Variants in CRTC2 observed in about 807,000 individuals in gnomAD.
CRTC2 encodes the protein CREB-regulated transcription coactivator 2.
Under a neutral mutation model 70.9 loss-of-function variants are expected in CRTC2, and 25 were observed. The ratio of observed to expected loss-of-function variants is 0.35; its 90% CI spans 0.26 to 0.49. The LOEUF is 0.49. Ranked by LOEUF, CRTC2 falls within the 20% of genes least tolerant of loss-of-function variation. The probability of loss-of-function intolerance (pLI) is 0.98; values close to 1 mark genes in which losing one functional copy is unlikely to be tolerated. For synonymous variants in CRTC2, 330 were observed against 364.1 expected (o/e 0.91, Z 1.07); for missense variants, 737 against 882.6 (o/e 0.83, Z 2.09).
Position 153,952,802 on chromosome 1 carries a change from T to C in CRTC2, c.637+3A>G, listed in dbSNP as rs749709858. On this transcript the variant is annotated splice_donor_region_variant and intron_variant, in intron 7 of 13. Coordinates refer to ENST00000368633, the MANE Select transcript of CRTC2 (RefSeq NM_181715.3). ...AGTACCCACAGCAGTGAGGAACACATACCTTTGGGGTCCATTTCACCATCC... is the reference window on the plus strand; with the variant it reads ...AGTACCCACAGCAGTGAGGAACACACACCTTTGGGGTCCATTTCACCATCC... 2.5e-6 allele frequency: 4 copies of C among 1,614,226 alleles called. No individual in the cohort carries two copies. The highest frequency in any genetic ancestry group is 3.4e-6 in the Non-Finnish European group (4 of 1,180,028).
At chr1:153,952,485 G>A (rs749910691) in intron 8 of CRTC2, 39 bp from the exon 9 acceptor site, 2 of 1,613,116 alleles carry the variant, frequency 1.2e-6, no homozygotes, top group South Asian at 1.1e-5. Flanking sequence ...TGAGGACAGT[G>A]CTCAGCAGAG....
At position 153,949,336 on chromosome 1, in the gene CRTC2, G is replaced by C. The variant is rs111767182; in HGVS notation, c.1453C>G (p.Pro485Ala). 6 of 1,613,812 alleles carry C rather than the reference G, an allele frequency of 3.7e-6. No homozygotes were observed. The highest frequency in any genetic ancestry group is 2.7e-5 in the African/African-American group (2 of 74,916). ...SKLSTDQRLP[P>A]YPYSSPSLVL... is the part of the protein sequence containing the mutation. ...AGACTTGGGGAGCTGTATGGGTATG[G>C]GGGTAACCGCTGGTCAGTGGACAGT... Residue 485 changes from proline (P) to alanine (A), a missense_variant, in exon 12 of 14, where the codon CCA becomes GCA. Physicochemically the swap from Pro to Ala is conservative, Grantham distance 27. This residue lies in a region of CRTC2 where 699 missense variants were observed against 823.7 expected (regional missense o/e 0.85). Transcript: ENST00000368633.
chr1:153,958,164 TC>T (rs758539900), intron 1 of CRTC2, 180 bp downstream of exon 1: 49 of 1,418,302 alleles, frequency 3.5e-5, no homozygotes, highest in Non-Finnish European at 4.3e-5. Context: ...TGTTTCGGTC[TC>T]CCCCGGCAAA....
Position 153,948,089 on chromosome 1 carries a change from G to A in CRTC2, c.*20C>T, listed in dbSNP as rs755717671. The A allele has an allele frequency of 1.2e-6, 2 of 1,611,948 alleles. No homozygotes were observed. Among genetic ancestry groups the A allele is most frequent in the Non-Finnish European group, 1.7e-6 (2 of 1,178,208 alleles). Reference sequence around the variant, plus strand: ...GTGGTGGGGGATGGGGCCAAGAAGAGGGATGGTGATGAGGTGCCCTCATTG... The same window carrying A: ...GTGGTGGGGGATGGGGCCAAGAAGAAGGATGGTGATGAGGTGCCCTCATTG... On this transcript the variant is annotated 3_prime_UTR_variant, in exon 14 of 14. Transcript: ENST00000368633.
intron 4 of CRTC2, among the ~76,000 whole-genome samples, chr1:153,953,864 T>C (rs1008166870): frequency 1.3e-5 from 2 of 152,260 alleles, no homozygotes; most frequent in East Asian, 1.9e-4. Context: ...GGTATGAGCA[T>C]TGAAAGTGAG....
chr1:153,951,338 G>A lies in CRTC2; in HGVS notation c.1326C>T (p.Ala442=), dbSNP rs145272706. 5.5e-5 allele frequency: 88 copies of A among 1,613,852 alleles called. No individual in the cohort carries two copies. Among genetic ancestry groups the A allele is most frequent in the Admixed American group, 1.5e-4 (9 of 59,946 alleles). Reference sequence around the variant, plus strand: ...GCTGCTGTTGGGACCTTCTGGCGTCGGCTGGGCCCGCGAGCAAACTCAGGG... The same window carrying A: ...GCTGCTGTTGGGACCTTCTGGCGTCAGCTGGGCCCGCGAGCAAACTCAGGG... ...LSPLSLLAGP[A]DARRSQQQLP... The change falls in exon 11 of 14, where the codon GCC becomes GCT. Residue 442 remains alanine, a synonymous_variant. Transcript: ENST00000368633.
chr1:153,950,607 G>T (rs1436248420), intron 11 of CRTC2, among the ~76,000 whole-genome samples: 1 of 152,168 alleles, frequency 6.6e-6, no homozygotes, highest in Non-Finnish European at 1.5e-5. Context: ...TCATCTCTGT[G>T]GAAAAAGCCC....
In CRTC2 at chr1:153,949,134, C is replaced by T; in HGVS notation, c.1655G>A (p.Ser552Asn). The change falls in exon 12 of 14, where the codon AGT becomes AAT. Residue 552 changes from serine to asparagine, a missense_variant. Around this residue, in one of 3 missense-constraint regions of CRTC2, gnomAD observed 699 missense variants for 823.7 expected, o/e 0.85. Coordinates refer to ENST00000368633, the MANE Select transcript of CRTC2 (RefSeq NM_181715.3). ...HGQQSYHRPM[S>N]DFNLGNLEQF... ...ACTCACATTCCCCAGGTTGAAGTCA[C>T]TCATTGGCCGGTGGTAAGACTGTTG... 6.2e-7 allele frequency: 1 copy of T among 1,609,968 alleles called. No individual in the cohort carries two copies. Among genetic ancestry groups the T allele is most frequent in the Non-Finnish European group, 8.5e-7 (1 of 1,177,680 alleles).
At chr1:153,952,741 C>G (rs1382225801) in intron 7 of CRTC2, 64 bp downstream of exon 7, 1 of 1,611,054 alleles carries the variant, frequency 6.2e-7, no homozygotes, top group Non-Finnish European at 8.5e-7. Context: ...AACCTGCACA[C>G]AATCCCAACA....
chr1:153,948,679 A>G (rs561655064), intron 12 of CRTC2, 35 bp from the exon 13 acceptor site: 1 of 1,565,896 alleles, frequency 6.4e-7, no homozygotes, highest in African/African-American at 1.4e-5. Context: ...AGGAAGTAGG[A>G]TTTAGAACTG....
intron 9 of CRTC2, 27 bp downstream of exon 9, chr1:153,952,370 T>A: frequency 6.2e-7 from 1 of 1,613,254 alleles, no homozygotes; most frequent in Non-Finnish European, 8.5e-7. Flanking sequence ...TTCCCCCACC[T>A]CTCAGCCAAC....
chr1:153,958,607 G>C lies in CRTC2; in HGVS notation c.-110C>G, dbSNP rs1571088465. On this transcript the variant is annotated 5_prime_UTR_variant, in exon 1 of 14. Transcript: ENST00000368633. Reference sequence around the variant, plus strand: ...CCACCGCCGCCTCAGCGAGCACCGCGAACCCGGCCCCAGCCTAGCCCTGAC... The same window carrying C: ...CCACCGCCGCCTCAGCGAGCACCGCCAACCCGGCCCCAGCCTAGCCCTGAC... 8.6e-7 allele frequency: 1 copy of C among 1,166,300 alleles called. No homozygotes were observed. Among genetic ancestry groups the C allele is most frequent in the Non-Finnish European group, 1.2e-6 (1 of 849,688 alleles). The allele number at this position is 1,166,300 out of a possible 1,614,324, so 72.2% of individuals were successfully genotyped here.
Position 153,952,267 on chromosome 1 carries a change from G to T in CRTC2, c.753-5C>A. ...TGGTCAGGAGATGGAAAGATGCTAGGGGAAGGAGAGAAAAAGAAAGATGTA... is the reference window on the plus strand; with the variant it reads ...TGGTCAGGAGATGGAAAGATGCTAGTGGAAGGAGAGAAAAAGAAAGATGTA... On this transcript the variant is annotated splice_region_variant and splice_polypyrimidine_tract_variant and intron_variant, in intron 9 of 13. Coordinates refer to ENST00000368633, the MANE Select transcript of CRTC2 (RefSeq NM_181715.3). The T allele has an allele frequency of 6.2e-7, 1 of 1,601,878 alleles. No homozygotes were observed. Among genetic ancestry groups the T allele is most frequent in the Non-Finnish European group, 8.5e-7 (1 of 1,172,636 alleles).
In CRTC2 at chr1:153,954,947, G is replaced by A. The variant is rs1249851180; in HGVS notation, c.298C>T (p.His100Tyr). Residue 100 changes from histidine (H) to tyrosine (Y), a missense_variant, in exon 3 of 14, where the codon CAC becomes TAC. Physicochemically the swap from His to Tyr is moderately conservative, Grantham distance 83 (BLOSUM62 2). Coordinates refer to ENST00000368633, the MANE Select transcript of CRTC2 (RefSeq NM_181715.3). ...SPLDSSRSTR[H>Y]HGLVERVQRD... ...TGCACCCGTTCCACCAGCCCATGGT[G>A]CCGAGTGCTCCGAGATGAATCCAAA... 1 of 1,614,188 alleles carries A rather than the reference G, an allele frequency of 6.2e-7. No homozygotes were observed. The highest frequency in any genetic ancestry group is 1.7e-5 in the Admixed American group (1 of 60,036).
chr1:153,958,061 C>T (rs1680729410), intron 1 of CRTC2: 1 of 1,333,274 alleles, frequency 7.5e-7, no homozygotes, highest in South Asian at 1.6e-5. Flanking sequence ...GACCACTCAC[C>T]TCCTACCTCC....
Position 153,948,544 on chromosome 1 carries a change from C to T in CRTC2, c.1775G>A (p.Gly592Asp). 1 of 1,612,482 alleles carries T rather than the reference C, an allele frequency of 6.2e-7. No individual in the cohort carries two copies. Among genetic ancestry groups the T allele is most frequent in the Non-Finnish European group, 8.5e-7 (1 of 1,179,354 alleles). ...PGFLGGEGPM[G>D]GPQDPHTFNH... is the part of the protein sequence containing the mutation. ...GAAGGTGTGGGGATCCTGGGGGCCA[C>T]CCATTGGCCCCTCACCCCCTAAAAA... Residue 592 changes from glycine to aspartate, a missense_variant, in exon 13 of 14, where the codon GGT becomes GAT. Physicochemically the swap from Gly to Asp is moderately conservative, Grantham distance 94. Transcript: ENST00000368633.
intron 6 of CRTC2, 194 bp downstream of exon 6, chr1:153,953,072 A>G: frequency 1.6e-6 from 1 of 614,086 alleles, no homozygotes; most frequent in Non-Finnish European, 2.8e-6. Flanking sequence ...AATCCCAGCT[A>G]CTCAGGAGGC....
chr1:153,949,901 C>A (rs1219823267), intron 11 of CRTC2, among the ~76,000 whole-genome samples: 1 of 151,704 alleles, frequency 6.6e-6, no homozygotes, highest in Admixed American at 6.6e-5. Flanking sequence ...GAGGCTAACA[C>A]AGGGGTAATT....
At position 153,952,158 on chromosome 1, in the gene CRTC2, G is replaced by A. The variant is rs1487799782; in HGVS notation, c.857C>T (p.Pro286Leu). The A allele has an allele frequency of 6.2e-7, 1 of 1,614,122 alleles. No homozygotes were observed. Among genetic ancestry groups the A allele is most frequent in the Non-Finnish European group, 8.5e-7 (1 of 1,179,982 alleles). Reference protein sequence around the residue: ...PDLTNLHFPPPLPTPLDPEET... With the variant: ...PDLTNLHFPPLLPTPLDPEET... ...TTCAGGGTCCAGGGGGGTGGGCAGT[G>A]GTGGGGGAAAGTGCAGGTTGGTGAG... Residue 286 changes from proline to leucine, a missense_variant, in exon 10 of 14, where the codon CCA (proline) becomes CTA (leucine). By Grantham distance (98) the Pro-to-Leu change is moderately conservative. Transcript: ENST00000368633.
Sources: gnomAD v4.1 joint callset for allele counts (sites outside exome capture counted in the v4.1 genomes callset) on GRCh38, gnomAD v4.1.1 for gene constraint, gnomAD v4.1.1 regional missense constraint, MANE v1.5 for transcripts, NCBI Gene and HGNC (gene_info 2026-07-23, HGNC 2026-07-21) for gene names.